TMEM255B: variants seen among roughly 807,000 people sequenced by gnomAD.
TMEM255B encodes the protein transmembrane protein 255B, also known as family with sequence similarity 70, member B.
Under a neutral mutation model 34.5 loss-of-function variants are expected in TMEM255B, and 35 were observed. That is an observed-to-expected ratio of 1.01 (90% CI 0.77 to 1.34). TMEM255B has a LOEUF of 1.34. Among genes scored for constraint, TMEM255B ranks in the 40% most tolerant of loss-of-function variants. The probability of loss-of-function intolerance (pLI) is 0.00; values close to 1 mark genes in which losing one functional copy is unlikely to be tolerated. For missense variants in TMEM255B, 432 were observed against 433.2 expected (o/e 1.00, Z 0.02); for synonymous variants, 206 against 201.2 (o/e 1.02, Z -0.20).
chr13:113,759,282 G>A lies in TMEM255B; in HGVS notation c.13G>A (p.Val5Met). The change falls in exon 1 of 9, where the codon GTG becomes ATG. Residue 5 changes from valine to methionine, a missense_variant. By Grantham distance (21) the Val-to-Met change is conservative. Coordinates refer to ENST00000375353, the MANE Select transcript of TMEM255B (RefSeq NM_182614.4). ...GTGGGGCCTCGGGATGCAGCCGCCG[G>A]TGCCCGGGCCCCTGGGCCTGCTGGA... MQPP[V>M]PGPLGLLDPA... The A allele has an allele frequency of 3.3e-6, 4 of 1,228,998 alleles. No homozygotes were observed. Among genetic ancestry groups the A allele is most frequent in the Non-Finnish European group, 4.1e-6 (4 of 986,162 alleles). The allele number at this position is 1,228,998 out of a possible 1,614,324, so 76.1% of individuals were successfully genotyped here.
chr13:113,761,420 G>A (rs920786209), intron 1 of TMEM255B: 5 of 969,588 alleles, frequency 5.2e-6, no homozygotes, highest in African/African-American at 1.8e-5. Flanking sequence ...AGCCAGGAAG[G>A]GGAGAGCAGG....
chr13:113,784,372 G>A (rs914320884), intron 3 of TMEM255B, among the ~76,000 whole-genome samples: 12 of 152,176 alleles, frequency 7.9e-5, no homozygotes, highest in Non-Finnish European at 1.3e-4. Flanking sequence ...CAGGACGGCA[G>A]ATCTGACTTT....
At position 113,813,937 on chromosome 13, in the gene TMEM255B, G is replaced by C. The variant is rs563145851; in HGVS notation, c.*2034G>C. 2.0e-5 allele frequency: 3 copies of C among 152,302 alleles called. No individual in the cohort carries two copies. The highest frequency in any genetic ancestry group is 3.9e-4 in the East Asian group (2 of 5,150). 9.4% of individuals were successfully genotyped at this position (152,302 alleles called of 1,614,324 possible). ...AGTTCCTCCAGGGCTGTGGGTGCCT[G>C]GCTCCGAGTAAGAAGCTGAACAAGC... On this transcript the variant is annotated 3_prime_UTR_variant, in exon 9 of 9. Transcript: ENST00000375353.
chr13:113,778,289 G>A (rs1321204667), intron 3 of TMEM255B, among the ~76,000 whole-genome samples: 1 of 152,234 alleles, frequency 6.6e-6, no homozygotes, highest in Non-Finnish European at 1.5e-5. Context: ...CAAGATGAGA[G>A]TCTGAACCTG....
chr13:113,801,638 G>T lies in TMEM255B; in HGVS notation c.510-15G>T. 2.5e-6 allele frequency: 4 copies of T among 1,579,104 alleles called. No individual in the cohort carries two copies. Among genetic ancestry groups the T allele is most frequent in the South Asian group, 1.1e-5 (1 of 87,874 alleles). On this transcript the variant is annotated splice_polypyrimidine_tract_variant and intron_variant, in intron 6 of 8. Transcript: ENST00000375353. ...TTGCCTCGTGCGGTGACGCCATGGT[G>T]CCCTCTCTGTGCAGCGCAGAGCCCT...
chr13:113,813,607 C>T lies in TMEM255B; in HGVS notation c.*1704C>T, dbSNP rs1325587769. The T allele has an allele frequency of 6.7e-6, 1 of 149,866 alleles. No individual in the cohort carries two copies. The highest frequency in any genetic ancestry group is 1.5e-5 in the Non-Finnish European group (1 of 66,420). 9.3% of individuals were successfully genotyped at this position (149,866 alleles called of 1,614,324 possible). ...CCCCCTCCGCTGCCCGGGAGCCTCC[C>T]TCTGCCCGACGGAGGGTCTCATCCT... is the stretch of plus-strand genomic sequence containing the variant. On this transcript the variant is annotated 3_prime_UTR_variant, in exon 9 of 9. Transcript: ENST00000375353.
At chr13:113,781,801 C>T (rs1220264191) in intron 3 of TMEM255B, among the ~76,000 whole-genome samples, 13 of 152,224 alleles carry the variant, frequency 8.5e-5, no homozygotes, top group Non-Finnish European at 4.4e-5. Context: ...TTTATGACTA[C>T]GCAGACAAGC....
In TMEM255B at chr13:113,815,185, C is replaced by G. The variant is rs1006671015; in HGVS notation, c.*3282C>G. The G allele has an allele frequency of 9.9e-5, 15 of 152,206 alleles. No individual in the cohort carries two copies. Among genetic ancestry groups the G allele is most frequent in the African/African-American group, 3.6e-4 (15 of 41,408 alleles). 9.4% of individuals were successfully genotyped at this position (152,206 alleles called of 1,614,324 possible). Reference sequence around the variant, plus strand: ...CACAAGAGCTCCCAAGCAGAGGCAACTACTGAGTGGGGGAGGGACACAGTC... The same window carrying G: ...CACAAGAGCTCCCAAGCAGAGGCAAGTACTGAGTGGGGGAGGGACACAGTC... On this transcript the variant is annotated 3_prime_UTR_variant, in exon 9 of 9. Transcript: ENST00000375353.
intron 7 of TMEM255B, among the ~76,000 whole-genome samples, chr13:113,802,537 A>G (rs1448002801): frequency 6.6e-6 from 1 of 152,122 alleles, no homozygotes; most frequent in Admixed American, 6.5e-5. Context: ...TTGCACCCAC[A>G]TGAGGAGGCC....
chr13:113,776,323 T>A (rs1303678486), intron 3 of TMEM255B, among the ~76,000 whole-genome samples: 1 of 152,084 alleles, frequency 6.6e-6, no homozygotes, highest in East Asian at 1.9e-4. Flanking sequence ...ATCAACCAAG[T>A]CCCAGGTTTT....
At chr13:113,805,732 G>T (rs1361190778) in intron 8 of TMEM255B, among the ~76,000 whole-genome samples, 1 of 152,206 alleles carries the variant, frequency 6.6e-6, no homozygotes, top group African/African-American at 2.4e-5. Flanking sequence ...TATCAGAGCC[G>T]CCGGTGTGAC....
At chr13:113,794,962 G>A (rs531619753) in intron 3 of TMEM255B, among the ~76,000 whole-genome samples, 186 bp from the exon 4 acceptor site, 22 of 152,370 alleles carry the variant, frequency 1.4e-4, no homozygotes, top group African/African-American at 5.0e-4. Context: ...GAATAGACGC[G>A]TGAGGACGAC....
rs1002650288 is a variant in TMEM255B at position 113,795,190 on chromosome 13, G to A, written c.295G>A (p.Ala99Thr). ...IVFISFGVVA[A>T]FCCAIVDGVF... is the part of the protein sequence containing the mutation. ...GTTTATCAGTTTTGGCGTGGTGGCC[G>A]CCTTCTGCTGCGCCATCGTGGACGG... is the stretch of plus-strand genomic sequence containing the variant. Residue 99 changes from alanine (A) to threonine (T), a missense_variant, in exon 4 of 9, where the codon GCC (alanine) becomes ACC (threonine). Physicochemically the swap from Ala to Thr is moderately conservative, Grantham distance 58. Transcript: ENST00000375353. 19 of 1,613,782 alleles carry A rather than the reference G, an allele frequency of 1.2e-5. No individual in the cohort carries two copies. Among genetic ancestry groups the A allele is most frequent in the African/African-American group, 2.7e-5 (2 of 74,922 alleles).
At chr13:113,787,959 G>A (rs2050770498) in intron 3 of TMEM255B, among the ~76,000 whole-genome samples, 2 of 144,440 alleles carry the variant, frequency 1.4e-5, no homozygotes. Flanking sequence ...CGGGGAGGAG[G>A]TGTTGAGAAG....
chr13:113,778,832 A>G (rs906313922), intron 3 of TMEM255B, among the ~76,000 whole-genome samples: 2 of 152,256 alleles, frequency 1.3e-5, no homozygotes, highest in Non-Finnish European at 2.9e-5. Context: ...CCACTGACCC[A>G]TAGAGAAACT....
chr13:113,814,189 G>T lies in TMEM255B; in HGVS notation c.*2286G>T, dbSNP rs1200343430. ...CTGGTGCAGGCACCAGCACCTCTTG[G>T]TGTCCTAGGGGTGCGAACAGCAGAG... On this transcript the variant is annotated 3_prime_UTR_variant, in exon 9 of 9. Transcript: ENST00000375353. 1 of 152,174 alleles carries T rather than the reference G, an allele frequency of 6.6e-6. No homozygotes were observed. The highest frequency in any genetic ancestry group is 1.5e-5 in the Non-Finnish European group (1 of 68,038). The allele number at this position is 152,174 out of a possible 1,614,324, so 9.4% of individuals were successfully genotyped here.
At chr13:113,787,185 C>T (rs566523321) in intron 3 of TMEM255B, among the ~76,000 whole-genome samples, 5 of 152,364 alleles carry the variant, frequency 3.3e-5, no homozygotes, top group African/African-American at 7.2e-5. Flanking sequence ...CAGTCAGCCA[C>T]GTGCACGCGC....
intron 3 of TMEM255B, among the ~76,000 whole-genome samples, chr13:113,785,076 G>C (rs1025072951): frequency 6.6e-6 from 1 of 152,270 alleles, no homozygotes; most frequent in South Asian, 2.1e-4. Context: ...GGGTGGAGGA[G>C]AGTTTTATTG....
At position 113,811,927 on chromosome 13, in the gene TMEM255B, CT is replaced by C; in HGVS notation, c.*26del. On this transcript the variant is annotated 3_prime_UTR_variant, in exon 9 of 9. Transcript: ENST00000375353. The stretch of plus-strand genomic sequence containing the variant: ...GATAGAGGCGTGGAGTAAAAGATAA[CT>C]TGTTTGTTTTTTTTTTTAAAAAAAA... 1.3e-6 allele frequency: 2 copies of C among 1,546,578 alleles called. No homozygotes were observed. Among genetic ancestry groups the C allele is most frequent in the South Asian group, 2.4e-5 (2 of 83,328 alleles).
Sources: gnomAD v4.1 joint callset for allele counts (sites outside exome capture counted in the v4.1 genomes callset) on GRCh38, gnomAD v4.1.1 for gene constraint, MANE v1.5 for transcripts, NCBI Gene and HGNC (gene_info 2026-07-23, HGNC 2026-07-21) for gene names.